Variants in ZNF207 observed in about 807,000 individuals in gnomAD.
ZNF207 encodes the protein zinc finger protein 207, also known as BUB3-interacting and GLEBS motif-containing protein ZNF207.
In ZNF207, 24 loss-of-function variants were observed where a neutral mutation model predicts 60.2. That is an observed-to-expected ratio of 0.40 (90% CI 0.29 to 0.56). The LOEUF (loss-of-function observed/expected upper bound fraction) is 0.56, where lower values mean the gene tolerates loss of function less well. Ranked by LOEUF, ZNF207 falls within the 20% of genes least tolerant of loss-of-function variation. The pLI, the probability that ZNF207 is intolerant of heterozygous loss-of-function variation, is 0.49. For synonymous variants in ZNF207, 236 were observed against 194.7 expected, an observed-to-expected ratio of 1.21 and a Z score of -1.77; for missense variants, 452 against 636.6, an observed-to-expected ratio of 0.71 and a Z score of 3.12.
At chr17:32,358,750 C>G (rs1251785571) in intron 3 of ZNF207, 109 bp downstream of exon 3, 3 of 823,480 alleles carry the variant, frequency 3.6e-6, no homozygotes, top group Non-Finnish European at 5.0e-6. Context: ...GTGGTGTGAT[C>G]TGGGCTCTCT....
intron 2 of ZNF207, among the ~76,000 whole-genome samples, chr17:32,357,423 A>G (rs1024506009): frequency 2.8e-5 from 4 of 143,620 alleles, no homozygotes; most frequent in African/African-American, 1.0e-4. Context: ...GTCTCGGCTC[A>G]CTGTAACCTC....
At chr17:32,350,870 A>T (rs1333867555) in intron 1 of ZNF207, 2 of 115,292 alleles carry the variant, frequency 1.7e-5, no homozygotes, top group East Asian at 4.8e-4. Context: ...TCGGGGCGGG[A>T]GGAGAACTAG....
Position 32,380,830 on chromosome 17 carries a change from G to GC in ZNF207, c.*11073dup, listed in dbSNP as rs1905852549. On this transcript the variant is annotated 3_prime_UTR_variant, in exon 12 of 12. Coordinates refer to ENST00000394670, the MANE Select transcript of ZNF207 (RefSeq NM_001098507.2). The stretch of plus-strand genomic sequence containing the variant: ...AAATCAGCCGGGTGTGGTGGGACGT[G>GC]CCTGTAACCCCAGCTACTCTGGAGG... 6.6e-6 allele frequency: 1 copy of GC among 152,186 alleles called. No homozygotes were observed. The highest frequency in any genetic ancestry group is 6.5e-5 in the Admixed American group (1 of 15,270). 9.4% of individuals were successfully genotyped at this position (152,186 alleles called of 1,614,324 possible). A position where few individuals can be genotyped will look rare whatever the true frequency, so the allele number is the denominator to read the frequency against.
At chr17:32,359,060 C>T (rs771322425) in intron 3 of ZNF207, among the ~76,000 whole-genome samples, 1 of 151,232 alleles carries the variant, frequency 6.6e-6, no homozygotes, top group African/African-American at 2.4e-5. Flanking sequence ...ACTTTTGCCT[C>T]GCAAAGTGCT....
At position 32,370,949 on chromosome 17, in the gene ZNF207, CATTT is replaced by C. The variant is rs996368557; in HGVS notation, c.*1191_*1194del. On this transcript the variant is annotated 3_prime_UTR_variant, in exon 12 of 12. Coordinates refer to ENST00000394670, the MANE Select transcript of ZNF207 (RefSeq NM_001098507.2). ...TATGTTCCTGGAAGATTACATTATT[CATTT>C]GAGTACCTTCTGTTATTAAGCCTAG... 1 of 152,144 alleles carries C rather than the reference CATTT, an allele frequency of 6.6e-6. No homozygotes were observed. The highest frequency in any genetic ancestry group is 2.4e-5 in the African/African-American group (1 of 41,436). 9.4% of individuals were successfully genotyped at this position (152,144 alleles called of 1,614,324 possible).
chr17:32,373,691 A>C lies in ZNF207; in HGVS notation c.*3932A>C. 1 of 343,266 alleles carries C rather than the reference A, an allele frequency of 2.9e-6. No individual in the cohort carries two copies. The highest frequency in any genetic ancestry group is 4.5e-5 in the East Asian group (1 of 22,238). 21.3% of individuals were successfully genotyped at this position (343,266 alleles called of 1,614,324 possible). A position where few individuals can be genotyped will look rare whatever the true frequency, so the allele number is the denominator to read the frequency against. On this transcript the variant is annotated 3_prime_UTR_variant, in exon 12 of 12. Transcript: ENST00000394670. ...GTAATTTGCTGTGTGTTACATAATT[A>C]ACAGCTTCAGTAAAGCTTGTGTTCC...
intron 2 of ZNF207, among the ~76,000 whole-genome samples, chr17:32,356,203 C>T (rs1052914468): frequency 4.6e-5 from 7 of 152,184 alleles, no homozygotes; most frequent in African/African-American, 1.7e-4. Context: ...AACCAAGACG[C>T]TATGACTTTG....
intron 1 of ZNF207, 67 bp from the exon 2 acceptor site, chr17:32,351,719 T>C (rs1476695872): frequency 2.5e-6 from 4 of 1,611,058 alleles, no homozygotes; most frequent in Non-Finnish European, 3.4e-6. Context: ...TGTAATGTTA[T>C]CCATATGTTT....
At position 32,377,645 on chromosome 17, in the gene ZNF207, C is replaced by T. The variant is rs1380261970; in HGVS notation, c.*7886C>T. 6.6e-6 allele frequency: 1 copy of T among 151,792 alleles called. No homozygotes were observed. Among genetic ancestry groups the T allele is most frequent in the African/African-American group, 2.4e-5 (1 of 41,384 alleles). 9.4% of individuals were successfully genotyped at this position (151,792 alleles called of 1,614,324 possible). ...AATTCCCACATGTTTAAGATATATG[C>T]CCATCCCCTTTTTAGAGTAATCAAA... On this transcript the variant is annotated 3_prime_UTR_variant, in exon 12 of 12. Coordinates refer to ENST00000394670, the MANE Select transcript of ZNF207 (RefSeq NM_001098507.2).
At position 32,378,268 on chromosome 17, in the gene ZNF207, A is replaced by T. The variant is rs992406401; in HGVS notation, c.*8509A>T. On this transcript the variant is annotated 3_prime_UTR_variant, in exon 12 of 12. Transcript: ENST00000394670. ...GTTTCAGTTGGCTATGCCCTTGTTG[A>T]TAGATGATATGGAGTCCAGGGCTTT... 1 of 151,984 alleles carries T rather than the reference A, an allele frequency of 6.6e-6. No homozygotes were observed. The highest frequency in any genetic ancestry group is 1.5e-5 in the Non-Finnish European group (1 of 67,912). 9.4% of individuals were successfully genotyped at this position (151,984 alleles called of 1,614,324 possible).
At position 32,357,336 on chromosome 17, in the gene ZNF207, A is replaced by AT. The variant is rs1419043137; in HGVS notation, c.169-1165dup. 1.1e-3 allele frequency among the ~76,000 whole-genome samples: 93 copies of AT among 87,848 alleles called. 4 individuals are homozygous for AT. The highest frequency in any genetic ancestry group is 3.5e-3 in the African/African-American group (71 of 20,034). The allele number at this position is 87,848 out of a possible 152,430, so 57.6% of individuals were successfully genotyped here. ...AATTATTATTATTATTATTATTATT[A>AT]TTATTATTATTATTATTTTTTTTTT... On this transcript the variant is annotated intron_variant, in intron 2 of 11. Transcript: ENST00000394670.
At position 32,376,136 on chromosome 17, in the gene ZNF207, ATCTT is replaced by A; in HGVS notation, c.*6378_*6381del. On this transcript the variant is annotated 3_prime_UTR_variant, in exon 12 of 12. Coordinates refer to ENST00000394670, the MANE Select transcript of ZNF207 (RefSeq NM_001098507.2). ...TTAGTGCTGAGTTTTCTAAACTACT[ATCTT>A]AAGCTCTTAGGCACCCTATTATGGA... 1 of 152,188 alleles carries A rather than the reference ATCTT, an allele frequency of 6.6e-6. No individual in the cohort carries two copies. The highest frequency in any genetic ancestry group is 1.9e-4 in the East Asian group (1 of 5,192). 9.4% of individuals were successfully genotyped at this position (152,188 alleles called of 1,614,324 possible).
At chr17:32,360,339 G>A (rs1904796577) in intron 3 of ZNF207, among the ~76,000 whole-genome samples, 1 of 152,032 alleles carries the variant, frequency 6.6e-6, no homozygotes, top group African/African-American at 2.4e-5. Context: ...CGCAGAGCAA[G>A]ACTTTACTAA....
intron 4 of ZNF207, 41 bp downstream of exon 4, chr17:32,360,806 A>G: frequency 1.2e-6 from 2 of 1,612,194 alleles, no homozygotes; most frequent in Non-Finnish European, 8.5e-7. Context: ...TTTTTAGGAC[A>G]TTATTGATAT....
rs892755956 is a variant in ZNF207, at chr17:32,372,596, C to G, written c.*2837C>G. ...GGCATTGGCAGATAAAACTTAAGCT[C>G]ATGAGTTCCTGAGTTTGTAGCTATA... is the stretch of plus-strand genomic sequence containing the variant. On this transcript the variant is annotated 3_prime_UTR_variant, in exon 12 of 12. Coordinates refer to ENST00000394670, the MANE Select transcript of ZNF207 (RefSeq NM_001098507.2). The G allele has an allele frequency of 6.6e-6, 1 of 152,162 alleles. No homozygotes were observed. Among genetic ancestry groups the G allele is most frequent in the Non-Finnish European group, 1.5e-5 (1 of 68,040 alleles). The allele number at this position is 152,162 out of a possible 1,614,324, so 9.4% of individuals were successfully genotyped here. A position where few individuals can be genotyped will look rare whatever the true frequency, so the allele number is the denominator to read the frequency against.
rs372337029 is a variant in ZNF207 at position 32,360,348 on chromosome 17, A to G, written c.308-250A>G. ...CTGCATCGCAGAGCAAGACTTTACT[A>G]AAAATTTAAAAGAAAAAATACTGAT... is the stretch of plus-strand genomic sequence containing the variant. On this transcript the variant is annotated intron_variant, in intron 3 of 11. Coordinates refer to ENST00000394670, the MANE Select transcript of ZNF207 (RefSeq NM_001098507.2). 1.8e-4 allele frequency among the ~76,000 whole-genome samples: 28 copies of G among 152,252 alleles called. No homozygotes were observed. The Middle Eastern group carries it at 0.014, about 74-fold the overall frequency.
chr17:32,350,169 G>T lies in ZNF207; in HGVS notation c.-117G>T. 1 of 1,525,680 alleles carries T rather than the reference G, an allele frequency of 6.6e-7. No homozygotes were observed. The highest frequency in any genetic ancestry group is 9.1e-7 in the Non-Finnish European group (1 of 1,104,294). The allele number at this position is 1,525,680 out of a possible 1,614,324, so 94.5% of individuals were successfully genotyped here. On this transcript the variant is annotated 5_prime_UTR_variant, in exon 1 of 12. Coordinates refer to ENST00000394670, the MANE Select transcript of ZNF207 (RefSeq NM_001098507.2). ...GGGGAACGAGGCCGTCGGCCATTTT[G>T]TGTCTGCTTCCTGTGGGACGTGGTG...
At chr17:32,366,449 C>CT (rs1406728758) in intron 8 of ZNF207, among the ~76,000 whole-genome samples, 1 of 152,146 alleles carries the variant, frequency 6.6e-6, no homozygotes, top group Non-Finnish European at 1.5e-5. Flanking sequence ...AACTAGTTAA[C>CT]TAGGTTTTAT....
chr17:32,360,472 T>C (rs1904807026), intron 3 of ZNF207, 126 bp from the exon 4 acceptor site: 2 of 891,422 alleles, frequency 2.2e-6, no homozygotes, highest in South Asian at 3.7e-5. Context: ...GCAGTATTAA[T>C]TGAATTTTTG....
Sources: gnomAD v4.1 joint callset for allele counts (sites outside exome capture counted in the v4.1 genomes callset) on GRCh38, gnomAD v4.1.1 for gene constraint, MANE v1.5 for transcripts, NCBI Gene and HGNC (gene_info 2026-07-23, HGNC 2026-07-21) for gene names.